Variants in CENPI observed in about 807,000 individuals in gnomAD.
CENPI encodes FSH primary response 1.
In CENPI, 4 loss-of-function variants were observed where a neutral mutation model predicts 60.4. The ratio of observed to expected loss-of-function variants is 0.07; its 90% CI spans 0.03 to 0.15. The LOEUF (loss-of-function observed/expected upper bound fraction) is 0.15, where lower values mean the gene tolerates loss of function less well. Ranked by LOEUF, CENPI falls within the 10% of genes least tolerant of loss-of-function variation. The pLI, the probability that CENPI is intolerant of heterozygous loss-of-function variation, is 1.00. For synonymous variants in CENPI, 157 were observed against 189.4 expected, an observed-to-expected ratio of 0.83 and a Z score of 1.40; for missense variants, 444 against 534.5, an observed-to-expected ratio of 0.83 and a Z score of 1.67.
chrX:101,126,289 T>C (rs751519068), intron 8 of CENPI, among the ~76,000 whole-genome samples: 7 of 112,109 alleles, frequency 6.2e-5, no homozygotes, highest in African/African-American at 1.6e-4. Context: ...ATTTCCTAGA[T>C]AATTTTCCAA....
At position 101,165,594 on chromosome X, in the gene CENPI, G is replaced by A. The variant is rs1048625210; in HGVS notation, c.*2627G>A. Among the ~76,000 whole-genome samples, 7 of 111,412 alleles carry A rather than the reference G, an allele frequency of 6.3e-5. No individual in the cohort carries two copies. The highest frequency in any genetic ancestry group is 1.3e-4 in the Non-Finnish European group (7 of 53,075). ...AATTTGGGACTAGAAAATTAATTTG[G>A]GAGTCATTAGGGAATAACCATGACT... is the stretch of plus-strand genomic sequence containing the variant. On this transcript the variant is annotated 3_prime_UTR_variant, in exon 22 of 22. Transcript: ENST00000682095.
chrX:101,136,745 TATTG>T (rs113295779), intron 15 of CENPI, among the ~76,000 whole-genome samples: 32,564 of 110,162 alleles, frequency 0.3, 3,849 homozygotes, highest in African/African-American at 0.42. Context: ...TATCTGTCCT[TATTG>T]ATTTATCATT....
At chrX:101,151,241 A>T (rs1475915595) in intron 20 of CENPI, among the ~76,000 whole-genome samples, 1 of 111,291 alleles carries the variant, frequency 9.0e-6, no homozygotes. Context: ...TGGGTTTCCA[A>T]GTTTAAAGTG....
At chrX:101,133,317 ATT>A (rs750307029) in intron 15 of CENPI, among the ~76,000 whole-genome samples, 17,061 of 76,545 alleles carry the variant, frequency 0.22, 1,372 homozygotes, top group East Asian at 0.26. Flanking sequence ...TTCAGTTTGA[ATT>A]TTTTTTTTTT....
intron 6 of CENPI, among the ~76,000 whole-genome samples, chrX:101,116,896 C>T (rs1276148772): frequency 9.0e-6 from 1 of 111,353 alleles, no homozygotes; most frequent in Non-Finnish European, 1.9e-5. Context: ...GTGAAGTGGT[C>T]TTTCATTGTG....
At chrX:101,172,683 G>A in the CENPI span, among the ~76,000 whole-genome samples, 6 of 111,370 alleles carry the variant, frequency 5.4e-5, no homozygotes, top group African/African-American at 2.0e-4. Flanking sequence ...TCTTTTTGAG[G>A]TAATGAAAGT....
At position 101,110,075 on chromosome X, in the gene CENPI, G is replaced by T. The variant is rs988922516; in HGVS notation, c.591+77G>T. On this transcript the variant is annotated intron_variant, in intron 6 of 21. Coordinates refer to ENST00000682095, the MANE Select transcript of CENPI (RefSeq NM_001386188.2). ...ATATTGATGCACCATATATGCTTCAGTGTGCTACACAATATGTTTTTCCTT... is the reference window on the plus strand; with the variant it reads ...ATATTGATGCACCATATATGCTTCATTGTGCTACACAATATGTTTTTCCTT... The T allele has an allele frequency of 3.2e-5, 17 of 536,608 alleles. No homozygotes were observed. In the South Asian group the frequency reaches 6.0e-4, roughly 19 times the overall value. The allele number at this position is 536,608 out of a possible 1,213,427, so 44.2% of individuals were successfully genotyped here. A position where few individuals can be genotyped will look rare whatever the true frequency, so the allele number is the denominator to read the frequency against.
intron 6 of CENPI, among the ~76,000 whole-genome samples, chrX:101,113,489 TGTATTTTTA>T (rs778018315): frequency 9.0e-6 from 1 of 111,144 alleles, no homozygotes; most frequent in Non-Finnish European, 1.9e-5. Context: ...GCTAATTTTT[TGTATTTTTA>T]GTAGAGACAG....
chrX:101,118,898 C>T (rs970209803), intron 6 of CENPI, among the ~76,000 whole-genome samples: 2 of 111,388 alleles, frequency 1.8e-5, no homozygotes, highest in Non-Finnish European at 3.8e-5. Flanking sequence ...AAAAAGATTC[C>T]GGCCAGGTGT....
rs1228625569 is a variant in CENPI, at chrX:101,109,814, G to A, written c.484-77G>A. On this transcript the variant is annotated intron_variant, in intron 5 of 21. Coordinates refer to ENST00000682095, the MANE Select transcript of CENPI (RefSeq NM_001386188.2). ...AAGCTTCTAAAATAGCCCTGGTGGCGGGGGACGGGGGGCGGAATTAAACTC... is the reference window on the plus strand; with the variant it reads ...AAGCTTCTAAAATAGCCCTGGTGGCAGGGGACGGGGGGCGGAATTAAACTC... 35 of 699,413 alleles carry A rather than the reference G, an allele frequency of 5.0e-5. No individual in the cohort carries two copies. In the East Asian group the frequency reaches 5.9e-4, roughly 12 times the overall value. 57.6% of individuals were successfully genotyped at this position (699,413 alleles called of 1,213,427 possible). A position where few individuals can be genotyped will look rare whatever the true frequency, so the allele number is the denominator to read the frequency against.
intron 5 of CENPI, 134 bp downstream of exon 5, chrX:101,109,725 A>G: frequency 5.3e-6 from 3 of 571,138 alleles, no homozygotes; most frequent in Non-Finnish European, 8.8e-6. Flanking sequence ...ATCTTGATGC[A>G]AGGACTATGT....
chrX:101,151,775 A>G (rs1053202143), intron 20 of CENPI, among the ~76,000 whole-genome samples: 6 of 104,202 alleles, frequency 5.8e-5, no homozygotes, highest in African/African-American at 2.1e-4. Flanking sequence ...CAGAGGTTGC[A>G]GTGAGCCGAG....
At position 101,122,870 on chromosome X, in the gene CENPI, A is replaced by C. The variant is rs1054858484; in HGVS notation, c.687+2086A>C. On this transcript the variant is annotated intron_variant, in intron 8 of 21. Transcript: ENST00000682095. ...GACAGGGCAAGACTCCGTCTCCAAA[A>C]AAACAAACAAACAAACAAACAAACA... 6.3e-5 allele frequency among the ~76,000 whole-genome samples: 7 copies of C among 111,721 alleles called. No individual in the cohort carries two copies. The East Asian group carries it at 1.4e-3, about 22-fold the overall frequency.
intron 4 of CENPI, among the ~76,000 whole-genome samples, chrX:101,105,721 C>G (rs760128596): frequency 9.0e-6 from 1 of 111,110 alleles, no homozygotes; most frequent in East Asian, 2.8e-4. Flanking sequence ...ACTACAGGTG[C>G]GTGCCACTGC....
intron 15 of CENPI, among the ~76,000 whole-genome samples, chrX:101,139,088 CTTT>C (rs1281553958): frequency 3.0e-5 from 2 of 66,950 alleles, no homozygotes; most frequent in Non-Finnish European, 5.3e-5. Context: ...CGCGCCCGAC[CTTT>C]TTTTTTTTTT....
intron 6 of CENPI, among the ~76,000 whole-genome samples, chrX:101,110,449 A>C (rs1414956529): frequency 8.9e-6 from 1 of 111,870 alleles, no homozygotes; most frequent in Non-Finnish European, 1.9e-5. Flanking sequence ...ACTTTTCATG[A>C]GTGCCAATGG....
the CENPI span, among the ~76,000 whole-genome samples, chrX:101,176,159 G>C: frequency 8.9e-6 from 1 of 111,887 alleles, no homozygotes; most frequent in South Asian, 3.7e-4. Flanking sequence ...TTGTATGTGT[G>C]TATGTATGTG....
At chrX:101,118,535 A>C (rs943420449) in intron 6 of CENPI, among the ~76,000 whole-genome samples, 1 of 112,787 alleles carries the variant, frequency 8.9e-6, no homozygotes, top group Admixed American at 9.4e-5. Context: ...TCTTCCAGTC[A>C]GGGACTGAGC....
rs761985490 is a variant in CENPI at position 101,101,218 on chromosome X, C to A, written c.148C>A (p.Pro50Thr). Residue 50 changes from proline (P) to threonine (T), a missense_variant, in exon 3 of 22, where the codon CCA becomes ACA. Pro to Thr is a conservative substitution (Grantham distance 38). Coordinates refer to ENST00000682095, the MANE Select transcript of CENPI (RefSeq NM_001386188.2). ...CATCTCAAAACATGGACAAAACAATCCAGTGGGAGATTATGAACATGCTGA... is the reference window on the plus strand; with the variant it reads ...CATCTCAAAACATGGACAAAACAATACAGTGGGAGATTATGAACATGCTGA... ...KNISKHGQNN[P>T]VGDYEHADDQ... is the part of the protein sequence containing the mutation. 8.3e-7 allele frequency: 1 copy of A among 1,208,086 alleles called. No individual in the cohort carries two copies. The highest frequency in any genetic ancestry group is 1.1e-6 in the Non-Finnish European group (1 of 893,712).
Sources: gnomAD v4.1 joint callset for allele counts (sites outside exome capture counted in the v4.1 genomes callset) on GRCh38, gnomAD v4.1.1 for gene constraint, MANE v1.5 for transcripts, NCBI Gene and HGNC (gene_info 2026-07-23, HGNC 2026-07-21) for gene names.